The following PCDHA10 variants were observed in gnomAD, a reference collection of about 807,000 sequenced individuals.
PCDHA10 encodes the protein protocadherin alpha-10.
Under a neutral mutation model 61.2 loss-of-function variants are expected in PCDHA10, and 45 were observed. The ratio of observed to expected loss-of-function variants is 0.74; its 90% confidence interval spans 0.58 to 0.94. The LOEUF (loss-of-function observed/expected upper bound fraction) is 0.94. Ranked by LOEUF, PCDHA10 falls within the 40% of genes least tolerant of loss-of-function variation. PCDHA10 has a pLI of 0.00. For missense variants in PCDHA10, 1,278 were observed against 1,236.2 expected, an observed-to-expected ratio of 1.03 and a Z score of -0.51; for synonymous variants, 602 against 548.8, an observed-to-expected ratio of 1.10 and a Z score of -1.35.
In PCDHA10 at chr5:140,877,360, G is replaced by A. The variant is rs199937567; in HGVS notation, c.2388+18924G>A. Reference sequence around the variant, plus strand: ...GTTCCACGTGGGGCTGTACACTGGCGAGATCAGCACGACACGCATCCTGGA... The same window carrying A: ...GTTCCACGTGGGGCTGTACACTGGCAAGATCAGCACGACACGCATCCTGGA... On this transcript the variant is annotated intron_variant, in intron 1 of 3. Coordinates refer to ENST00000307360, the MANE Select transcript of PCDHA10 (RefSeq NM_018901.4). 63 of 1,614,022 alleles carry A rather than the reference G, an allele frequency of 3.9e-5. No individual in the cohort carries two copies. The highest frequency in any genetic ancestry group is 6.7e-5 in the Admixed American group (4 of 60,028).
intron 1 of PCDHA10, chr5:140,877,090 G>C: frequency 2.5e-6 from 4 of 1,613,186 alleles, no homozygotes; most frequent in Non-Finnish European, 3.4e-6. Flanking sequence ...CGCGCGCGAC[G>C]CCGGCGTGCC....
intron 1 of PCDHA10, chr5:140,929,574 G>A: frequency 2.2e-6 from 1 of 448,534 alleles, no homozygotes; most frequent in Non-Finnish European, 3.9e-6. Flanking sequence ...AACAATAAAA[G>A]TAATATGACA....
At chr5:141,002,676 T>C (rs2098090585) in intron 3 of PCDHA10, among the ~76,000 whole-genome samples, 1 of 152,196 alleles carries the variant, frequency 6.6e-6, no homozygotes, top group Non-Finnish European at 1.5e-5. Context: ...CCAAAACCTA[T>C]ACGACGTGCA....
chr5:140,982,677 C>T, intron 3 of PCDHA10, 114 bp downstream of exon 3: 1 of 1,439,238 alleles, frequency 6.9e-7, no homozygotes, highest in Non-Finnish European at 9.1e-7. Flanking sequence ...TTTTGTTATT[C>T]CCTTTTTTCC....
In PCDHA10 at chr5:140,944,181, G is replaced by A. The variant is rs112665762; in HGVS notation, c.2389-34768G>A. 4.3e-3 allele frequency among the ~76,000 whole-genome samples: 661 copies of A among 151,992 alleles called. 7 individuals are homozygous for A. Among genetic ancestry groups the A allele is most frequent in the African/African-American group, 0.015 (616 of 41,488 alleles). On this transcript the variant is annotated intron_variant, in intron 1 of 3. Coordinates refer to ENST00000307360, the MANE Select transcript of PCDHA10 (RefSeq NM_018901.4). ...AAAGGGCCAAGGCTGGTTTTTTGTTGGTTTGTTTTGTTTTGTTTTGTTTTT... is the reference window on the plus strand; with the variant it reads ...AAAGGGCCAAGGCTGGTTTTTTGTTAGTTTGTTTTGTTTTGTTTTGTTTTT...
intron 1 of PCDHA10, chr5:140,926,949 G>C: frequency 3.8e-6 from 6 of 1,592,316 alleles, no homozygotes; most frequent in Non-Finnish European, 5.1e-6. Context: ...GCGCTGCAGC[G>C]GGACAGCTCG....
intron 1 of PCDHA10, chr5:140,871,192 G>T (rs1582019516): frequency 2.5e-6 from 4 of 1,613,668 alleles, no homozygotes; most frequent in Non-Finnish European, 3.4e-6. Flanking sequence ...GGATGTCAAC[G>T]TGTACCTGAT....
intron 3 of PCDHA10, among the ~76,000 whole-genome samples, chr5:140,995,291 G>A (rs958346050): frequency 1.4e-4 from 22 of 152,086 alleles, no homozygotes; most frequent in African/African-American, 4.6e-4. Flanking sequence ...ACAGCCAGTC[G>A]GATACCAAGA....
intron 1 of PCDHA10, chr5:140,966,728 TCCG>T (rs1554228593): frequency 2.8e-6 from 4 of 1,404,870 alleles, no homozygotes; most frequent in Non-Finnish European, 3.7e-6. Flanking sequence ...AGCTGCCGCC[TCCG>T]GCCCTGCCCG....
At chr5:140,968,467 A>G (rs2153771249) in intron 1 of PCDHA10, 1 of 1,614,124 alleles carries the variant, frequency 6.2e-7, no homozygotes, top group Non-Finnish European at 8.5e-7. Flanking sequence ...CTGCCAACGT[A>G]TATGTGGTGG....
chr5:140,923,019 C>T (rs540025993), intron 1 of PCDHA10, among the ~76,000 whole-genome samples: 4 of 152,168 alleles, frequency 2.6e-5, no homozygotes, highest in South Asian at 2.1e-4. Context: ...ACTGCAGTTT[C>T]GGACTCTATT....
At chr5:140,871,224 C>G (rs1554165289) in intron 1 of PCDHA10, 3 of 1,613,902 alleles carry the variant, frequency 1.9e-6, no homozygotes. Context: ...GCGTGGTGTC[C>G]AGCCTCCTGG....
Position 140,857,791 on chromosome 5 carries a change from G to A in PCDHA10, c.1743G>A (p.Leu581=). The A allele has an allele frequency of 1.3e-6, 2 of 1,597,714 alleles. No individual in the cohort carries two copies. Among genetic ancestry groups the A allele is most frequent in the Non-Finnish European group, 1.7e-6 (2 of 1,167,578 alleles). Residue 581 remains leucine, a synonymous_variant, in exon 1 of 4, where the codon CTG becomes CTA. Coordinates refer to ENST00000307360, the MANE Select transcript of PCDHA10 (RefSeq NM_018901.4). ...SAGGAVSELV[L]RSVVAGHVVA... ...GCGGTGCAGTCAGTGAGCTGGTGCT[G>A]CGGTCGGTGGTTGCGGGTCACGTGG...
intron 1 of PCDHA10, chr5:140,968,136 T>C (rs1554230395): frequency 1.2e-6 from 2 of 1,614,102 alleles, no homozygotes; most frequent in South Asian, 2.2e-5. Flanking sequence ...ACACTGAAGG[T>C]TGAGATCTCT....
At chr5:140,967,978 G>A in intron 1 of PCDHA10, 5 of 1,614,206 alleles carry the variant, frequency 3.1e-6, no homozygotes, top group Non-Finnish European at 3.4e-6. Flanking sequence ...GCCTGGGTCT[G>A]GAGGCCACAC....
chr5:140,926,065 G>A (rs1302106382), intron 1 of PCDHA10, among the ~76,000 whole-genome samples: 3 of 152,176 alleles, frequency 2.0e-5, no homozygotes, highest in Non-Finnish European at 2.9e-5. Context: ...TCCCCTCCTT[G>A]TCGTCTCTAT....
chr5:140,870,315 C>T, intron 1 of PCDHA10: 1 of 1,614,234 alleles, frequency 6.2e-7, no homozygotes, highest in Non-Finnish European at 8.5e-7. Context: ...AGAATTACTA[C>T]TCGTTGGTGC....
At chr5:140,973,442 A>G (rs1230315099) in intron 1 of PCDHA10, among the ~76,000 whole-genome samples, 4 of 152,274 alleles carry the variant, frequency 2.6e-5, no homozygotes, top group Non-Finnish European at 5.9e-5. Context: ...TGGTCACTTT[A>G]TAATGACTGG....
intron 1 of PCDHA10, among the ~76,000 whole-genome samples, chr5:140,921,089 T>C (rs2080011859): frequency 6.6e-6 from 1 of 151,966 alleles, no homozygotes; most frequent in African/African-American, 2.4e-5. Context: ...AAGAGAATCC[T>C]CCTGCCTCAG....
Sources: gnomAD v4.1 joint callset for allele counts (sites outside exome capture counted in the v4.1 genomes callset) on GRCh38, gnomAD v4.1.1 for gene constraint, MANE v1.5 for transcripts, NCBI Gene and HGNC (gene_info 2026-07-23, HGNC 2026-07-21) for gene names.